Variants in TMEM170A observed in about 807,000 individuals in gnomAD.
The protein encoded by TMEM170A is transmembrane protein 170A, also known as transmembrane protein 170.
Under a neutral mutation model 12.8 loss-of-function variants are expected in TMEM170A, and 18 were observed. The ratio of observed to expected loss-of-function variants is 1.41; its 90% CI spans 0.97 to 2.09. TMEM170A has a LOEUF of 2.09. TMEM170A is among the 30% of genes most tolerant of loss of function. The probability of loss-of-function intolerance (pLI) is 0.00; values close to 1 mark genes in which losing one functional copy is unlikely to be tolerated. For synonymous variants in TMEM170A, 107 were observed against 76.2 expected, an observed-to-expected ratio of 1.40 and a Z score of -2.11; for missense variants, 220 against 179.9, an observed-to-expected ratio of 1.22 and a Z score of -1.28.
At chr16:75,457,652 TC>T (rs1182576277) in intron 1 of TMEM170A, among the ~76,000 whole-genome samples, 1 of 152,040 alleles carries the variant, frequency 6.6e-6, no homozygotes. Flanking sequence ...CATCCCCACT[TC>T]CCTAGGAGCA....
intron 1 of TMEM170A, among the ~76,000 whole-genome samples, chr16:75,463,514 G>C (rs2079942972): frequency 6.6e-6 from 1 of 152,176 alleles, no homozygotes; most frequent in Non-Finnish European, 1.5e-5. Context: ...TCGCTGCCCA[G>C]GGGATGAGAA....
intron 1 of TMEM170A, among the ~76,000 whole-genome samples, chr16:75,456,246 T>C (rs2079793675): frequency 6.6e-6 from 1 of 152,124 alleles, no homozygotes; most frequent in Non-Finnish European, 1.5e-5. Context: ...TAAATGGTTC[T>C]CGGTGAAAAC....
Position 75,464,652 on chromosome 16 carries a change from A to C in TMEM170A, c.-52T>G. 2 of 1,540,774 alleles carry C rather than the reference A, an allele frequency of 1.3e-6. No individual in the cohort carries two copies. Among genetic ancestry groups the C allele is most frequent in the Non-Finnish European group, 1.7e-6 (2 of 1,150,704 alleles). ...GAGGGACGAGCGCCCGAAGTGCGGTAGCGGCCGGCGCCGACTCACCCTCGC... is the reference window on the plus strand; with the variant it reads ...GAGGGACGAGCGCCCGAAGTGCGGTCGCGGCCGGCGCCGACTCACCCTCGC... On this transcript the variant is annotated 5_prime_UTR_variant, in exon 1 of 3. Transcript: ENST00000561878.
In TMEM170A at chr16:75,454,594, C is replaced by A. The variant is rs185657408; in HGVS notation, c.134-2755G>T. Reference sequence around the variant, plus strand: ...AGGTTGCAGTGAGCTCAGATCACACCACTGCACTCCAGCCTGGGAGACAGA... The same window carrying A: ...AGGTTGCAGTGAGCTCAGATCACACAACTGCACTCCAGCCTGGGAGACAGA... On this transcript the variant is annotated intron_variant, in intron 1 of 2. Coordinates refer to ENST00000561878, the MANE Select transcript of TMEM170A (RefSeq NM_145254.3). Among the ~76,000 whole-genome samples the A allele has an allele frequency of 3.0e-3, 453 of 152,180 alleles. 2 individuals carry two copies. Among genetic ancestry groups the A allele is most frequent in the African/African-American group, 0.011 (439 of 41,504 alleles).
rs1256960694 is a variant in TMEM170A at position 75,445,029 on chromosome 16, C to T, written c.*2529G>A. 2.0e-5 allele frequency: 3 copies of T among 152,152 alleles called. No individual in the cohort carries two copies. Among genetic ancestry groups the T allele is most frequent in the Non-Finnish European group, 4.4e-5 (3 of 68,020 alleles). The allele number at this position is 152,152 out of a possible 1,614,324, so 9.4% of individuals were successfully genotyped here. On this transcript the variant is annotated 3_prime_UTR_variant, in exon 3 of 3. Transcript: ENST00000561878. Reference sequence around the variant, plus strand: ...CAAAGAATGCTTTAGGCAAGAACTCCTTCAAAAGACATTTTTCAGTAAGAG... The same window carrying T: ...CAAAGAATGCTTTAGGCAAGAACTCTTTCAAAAGACATTTTTCAGTAAGAG...
chr16:75,447,861 C>CT (rs1283182695), intron 2 of TMEM170A, among the ~76,000 whole-genome samples, 173 bp from the exon 3 acceptor site: 1 of 152,176 alleles, frequency 6.6e-6, no homozygotes, highest in Non-Finnish European at 1.5e-5. Context: ...CTACTCTACA[C>CT]TTTGAGTATT....
At chr16:75,459,593 A>C (rs2079865141) in intron 1 of TMEM170A, among the ~76,000 whole-genome samples, 1 of 152,086 alleles carries the variant, frequency 6.6e-6, no homozygotes, top group African/African-American at 2.4e-5. Flanking sequence ...GTGGTGGCTG[A>C]CACCTGTAAT....
intron 1 of TMEM170A, among the ~76,000 whole-genome samples, chr16:75,456,790 C>T (rs980139424): frequency 1.3e-5 from 2 of 152,196 alleles, no homozygotes; most frequent in Non-Finnish European, 2.9e-5. Context: ...CCTGCCTGGG[C>T]AGCTACTGTG....
intron 1 of TMEM170A, among the ~76,000 whole-genome samples, chr16:75,457,929 T>C (rs2079829125): frequency 6.6e-6 from 1 of 152,216 alleles, no homozygotes; most frequent in Non-Finnish European, 1.5e-5. Context: ...GGAGTACAGC[T>C]TATAAAACAC....
intron 1 of TMEM170A, among the ~76,000 whole-genome samples, chr16:75,463,993 T>C (rs900865939): frequency 4.6e-5 from 7 of 152,124 alleles, no homozygotes; most frequent in Non-Finnish European, 8.8e-5. Flanking sequence ...AACGAGCGCC[T>C]GCGCGGAGGG....
intron 1 of TMEM170A, among the ~76,000 whole-genome samples, chr16:75,452,263 C>A (rs1478016906): frequency 6.6e-6 from 1 of 151,572 alleles, no homozygotes; most frequent in African/African-American, 2.4e-5. Context: ...AGCCACCGCG[C>A]CCAGTCAAAA....
chr16:75,447,624 T>G lies in TMEM170A; in HGVS notation c.369A>C (p.Thr123=). 1.2e-6 allele frequency: 2 copies of G among 1,611,308 alleles called. No individual in the cohort carries two copies. The highest frequency in any genetic ancestry group is 1.7e-6 in the Non-Finnish European group (2 of 1,179,114). ...CGCAAAATGTCTGTCCAGTGCCCAG[T>G]GTGAGGGCTTCAAATGGTATCATTT... ...GKEMIPFEAL[T]LGTGQTFCVL... is the part of the protein sequence containing the mutation. The change falls in exon 3 of 3, where the codon ACA becomes ACC. Residue 123 remains threonine (T), a synonymous_variant. Transcript: ENST00000561878.
chr16:75,461,497 T>A (rs1392522044), intron 1 of TMEM170A, among the ~76,000 whole-genome samples: 1 of 152,250 alleles, frequency 6.6e-6, no homozygotes, highest in Admixed American at 6.5e-5. Flanking sequence ...TCTGCCATAA[T>A]GAGTTGGCAT....
At chr16:75,461,011 AG>A (rs2079895173) in intron 1 of TMEM170A, among the ~76,000 whole-genome samples, 1 of 152,170 alleles carries the variant, frequency 6.6e-6, no homozygotes. Context: ...ACAACAATAA[AG>A]GAAAAAATTT....
Position 75,464,539 on chromosome 16 carries a change from C to T in TMEM170A, c.62G>A (p.Ser21Asn), listed in dbSNP as rs768549066. The T allele has an allele frequency of 1.3e-6, 2 of 1,589,414 alleles. No individual in the cohort carries two copies. The highest frequency in any genetic ancestry group is 2.4e-5 in the East Asian group (1 of 41,478). ...GCCCACCCGCGGCACAACCTTCAGG[C>T]TCAGGATCTGCTGCAGGAGCCCGGC... ...GSAGLLQQIL[S>N]LKVVPRVGNG... Residue 21 changes from serine (S) to asparagine (N), a missense_variant, in exon 1 of 3, where the codon AGC becomes AAC. Ser to Asn is a conservative substitution (Grantham distance 46). Transcript: ENST00000561878.
At chr16:75,456,115 C>T (rs943969818) in intron 1 of TMEM170A, among the ~76,000 whole-genome samples, 1 of 152,150 alleles carries the variant, frequency 6.6e-6, no homozygotes, top group African/African-American at 2.4e-5. Context: ...ATCCCCTTAA[C>T]CCACCCTTGA....
chr16:75,454,132 T>G (rs2079739475), intron 1 of TMEM170A, among the ~76,000 whole-genome samples: 1 of 150,972 alleles, frequency 6.6e-6, no homozygotes, highest in Non-Finnish European at 1.5e-5. Flanking sequence ...CCTATTGACA[T>G]TTGGACCAGA....
chr16:75,451,620 G>C, intron 2 of TMEM170A, 49 bp downstream of exon 2: 1 of 1,583,712 alleles, frequency 6.3e-7, no homozygotes, highest in East Asian at 2.2e-5. Context: ...TCCTGAAATT[G>C]ACTAGTCATA....
chr16:75,448,616 C>G (rs1007835396), intron 2 of TMEM170A, among the ~76,000 whole-genome samples: 3 of 151,812 alleles, frequency 2.0e-5, no homozygotes, highest in Admixed American at 1.3e-4. Context: ...TACAAAAAAT[C>G]AGCCAAGTGT....
Sources: allele counts gnomAD v4.1 joint callset (sites outside exome capture counted in the v4.1 genomes callset), GRCh38; gene constraint gnomAD v4.1.1; transcripts MANE v1.5; gene names NCBI Gene and HGNC (gene_info 2026-07-23, HGNC 2026-07-21).